The following NAPA variants were observed in gnomAD, a reference collection of about 807,000 sequenced individuals.
The protein encoded by NAPA is NSF attachment protein alpha, also known as alpha-soluble NSF attachment protein.
In NAPA, 18 loss-of-function variants were observed where a neutral mutation model predicts 48.0. That is an observed-to-expected ratio of 0.38 (90% CI 0.26 to 0.56). The LOEUF is 0.56. Ranked by LOEUF, NAPA falls within the 20% of genes least tolerant of loss-of-function variation. The pLI, the probability that NAPA is intolerant of heterozygous loss-of-function variation, is 0.77. For missense variants in NAPA, 315 were observed against 385.0 expected (o/e 0.82, Z 1.52); for synonymous variants, 152 against 149.9 (o/e 1.01, Z -0.10).
At chr19:47,489,527 G>T (rs771741995) in intron 10 of NAPA, 184 bp downstream of exon 10, 13 of 676,822 alleles carry the variant, frequency 1.9e-5, no homozygotes, top group Non-Finnish European at 3.0e-5. Flanking sequence ...AAAATGGGGA[G>T]AACACTCCCT....
chr19:47,488,430 G>T, intron 10 of NAPA, 41 bp from the exon 11 acceptor site: 1 of 1,528,958 alleles, frequency 6.5e-7, no homozygotes, highest in Non-Finnish European at 9.0e-7. Flanking sequence ...TGCTCCCCCC[G>T]TTCCCAACCC....
At position 47,494,200 on chromosome 19, in the gene NAPA, G is replaced by A. The variant is rs79900559; in HGVS notation, c.343-707C>T. ...CAGTGACTCCTGCTTGTAGCCACAT[G>A]TCCCTGGGCAAATCATGTCACTTGT... is the stretch of plus-strand genomic sequence containing the variant. On this transcript the variant is annotated intron_variant, in intron 4 of 10. Coordinates refer to ENST00000263354, the MANE Select transcript of NAPA (RefSeq NM_003827.4). 5.6e-3 allele frequency among the ~76,000 whole-genome samples: 851 copies of A among 152,322 alleles called. 5 individuals carry two copies. Among genetic ancestry groups the A allele is most frequent in the Non-Finnish European group, 9.7e-3 (659 of 68,016 alleles).
chr19:47,512,979 C>T (rs1343912285), intron 1 of NAPA, among the ~76,000 whole-genome samples: 1 of 152,136 alleles, frequency 6.6e-6, no homozygotes, highest in East Asian at 1.9e-4. Context: ...CCCAGTCCCA[C>T]CACCGTCCCC....
In NAPA at chr19:47,504,733, A is replaced by G. The variant is rs548360526; in HGVS notation, c.99-1231T>C. On this transcript the variant is annotated intron_variant, in intron 1 of 10. Coordinates refer to ENST00000263354, the MANE Select transcript of NAPA (RefSeq NM_003827.4). ...TATATATCTATACATTTACACATACACAGACACACACACACACATATTTTT... is the reference window on the plus strand; with the variant it reads ...TATATATCTATACATTTACACATACGCAGACACACACACACACATATTTTT... 9.3e-4 allele frequency among the ~76,000 whole-genome samples: 141 copies of G among 152,172 alleles called. 1 individual carries two copies. The highest frequency in any genetic ancestry group is 3.3e-3 in the African/African-American group (138 of 41,440).
downstream of NAPA, among the ~76,000 whole-genome samples, chr19:47,484,707 T>A (rs1338329711): frequency 2.3e-5 from 2 of 87,870 alleles, no homozygotes; most frequent in Admixed American, 1.3e-4. Context: ...CAGTTCACTA[T>A]TTTTTTTTTT....
downstream of NAPA, among the ~76,000 whole-genome samples, chr19:47,484,951 C>T (rs1436284321): frequency 6.6e-6 from 1 of 152,120 alleles, no homozygotes; most frequent in Admixed American, 6.5e-5. Context: ...CCGCCCACCT[C>T]GGCCTCCCAA....
chr19:47,514,442 C>G (rs1968865898), intron 1 of NAPA, among the ~76,000 whole-genome samples: 1 of 152,142 alleles, frequency 6.6e-6, no homozygotes, highest in African/African-American at 2.4e-5. Context: ...CGAAAAGCCT[C>G]TGGACCTGGC....
At chr19:47,488,735 G>C (rs1001519384) in intron 10 of NAPA, 1 of 157,226 alleles carries the variant, frequency 6.4e-6, no homozygotes, top group Non-Finnish European at 1.4e-5. Flanking sequence ...CTGGCTAACA[G>C]TGAAACCCCG....
At chr19:47,503,036 A>G (rs1198507712) in intron 2 of NAPA, among the ~76,000 whole-genome samples, 1 of 152,242 alleles carries the variant, frequency 6.6e-6, no homozygotes, top group Non-Finnish European at 1.5e-5. Flanking sequence ...AACAGCAGCC[A>G]TGATTCACGT....
At chr19:47,485,512 T>C (rs1405172606), downstream of NAPA, among the ~76,000 whole-genome samples, 1 of 152,220 alleles carries the variant, frequency 6.6e-6, no homozygotes, top group Non-Finnish European at 1.5e-5. Context: ...GTTGGCCAGC[T>C]GTCCTGGACA....
intron 3 of NAPA, chr19:47,495,896 G>T (rs529690458): frequency 4.7e-6 from 2 of 425,470 alleles, no homozygotes; most frequent in African/African-American, 2.0e-5. Context: ...ACAACCCCAG[G>T]GACAGGGCAC....
chr19:47,498,670 C>A (rs910127901), intron 3 of NAPA, among the ~76,000 whole-genome samples: 3 of 152,200 alleles, frequency 2.0e-5, no homozygotes, highest in African/African-American at 7.2e-5. Flanking sequence ...CCTCCTGCCT[C>A]AGCCTCCCAA....
intron 2 of NAPA, among the ~76,000 whole-genome samples, chr19:47,503,168 A>G (rs1354705645): frequency 3.9e-5 from 6 of 152,270 alleles, no homozygotes; most frequent in East Asian, 1.9e-4. Flanking sequence ...GAGCTCATCA[A>G]TCCACATGGG....
At position 47,493,584 on chromosome 19, in the gene NAPA, A is replaced by G; in HGVS notation, c.343-91T>C. 9.2e-7 allele frequency: 1 copy of G among 1,086,172 alleles called. No individual in the cohort carries two copies. Among genetic ancestry groups the G allele is most frequent in the Non-Finnish European group, 1.4e-6 (1 of 709,464 alleles). The allele number at this position is 1,086,172 out of a possible 1,614,324, so 67.3% of individuals were successfully genotyped here. On this transcript the variant is annotated intron_variant, in intron 4 of 10. Transcript: ENST00000263354. The surrounding 1 kb of genome is among the most constrained non-coding windows in gnomAD (Gnocchi z 6.4). ...ATGACCCTTCAAGTTCCCACCCCTC[A>G]GCCACGCCTGTGAGGAGGTATGAAG... is the stretch of plus-strand genomic sequence containing the variant.
chr19:47,492,542 T>C, intron 7 of NAPA: 1 of 395,328 alleles, frequency 2.5e-6, no homozygotes. Flanking sequence ...CACCCAGGGC[T>C]CCGTGCACGC....
chr19:47,503,199 T>G (rs1440647914), intron 2 of NAPA, among the ~76,000 whole-genome samples: 2 of 152,242 alleles, frequency 1.3e-5, no homozygotes, highest in Non-Finnish European at 2.9e-5. Flanking sequence ...TCTAATAATC[T>G]ATTTATTCCC....
Position 47,514,889 on chromosome 19 carries a change from C to A in NAPA, c.52G>T (p.Glu18Ter). ...GACTGCGAGTTCTTCACTTTGCGCT[C>A]CGCCTCGGCCAACAGCGCCATCGCC... ...AEAMALLAEAERKVKNSQSFF... is the reference protein window; with the variant it reads ...AEAMALLAEA The change falls in exon 1 of 11, where the codon GAG becomes TAG. Residue 18 changes from glutamate to a stop codon, truncating the protein, a stop_gained. Coordinates refer to ENST00000263354, the MANE Select transcript of NAPA (RefSeq NM_003827.4). LOFTEE classifies it high-confidence loss of function. 6.2e-7 allele frequency: 1 copy of A among 1,614,060 alleles called. No individual in the cohort carries two copies. The highest frequency in any genetic ancestry group is 2.2e-5 in the East Asian group (1 of 44,886).
At chr19:47,490,493 GATGTGTGTGGTGTGGTGT>G (rs1568463068) in intron 9 of NAPA, among the ~76,000 whole-genome samples, 1 of 84,354 alleles carries the variant, frequency 1.2e-5, no homozygotes, top group Non-Finnish European at 2.4e-5. Flanking sequence ...GGTGTGGTGT[GATGTGTGTGGTGTGGTGT>G]GTGTAGTGTA....
chr19:47,503,579 C>G, intron 1 of NAPA, 77 bp from the exon 2 acceptor site: 1 of 1,364,490 alleles, frequency 7.3e-7, no homozygotes, highest in Non-Finnish European at 1.0e-6. Context: ...GCTCCAGTGC[C>G]GGGCACAGAC....
Sources: allele counts gnomAD v4.1 joint callset (sites outside exome capture counted in the v4.1 genomes callset), GRCh38; gene constraint gnomAD v4.1.1; non-coding constraint Gnocchi (gnomAD v3.1); transcripts MANE v1.5; gene names NCBI Gene and HGNC (gene_info 2026-07-23, HGNC 2026-07-21).